The following KCNQ1 variants were observed in gnomAD, a reference collection of about 807,000 sequenced individuals.
KCNQ1 encodes the protein potassium voltage-gated channel subfamily Q member 1.
In KCNQ1, 49 loss-of-function variants were observed where a neutral mutation model predicts 72.4. The ratio of observed to expected loss-of-function variants is 0.68; its 90% confidence interval spans 0.54 to 0.86. The LOEUF is 0.86. Ranked by LOEUF, KCNQ1 falls within the 40% of genes least tolerant of loss-of-function variation. KCNQ1 has a pLI of 0.00. For synonymous variants in KCNQ1, 450 were observed against 412.6 expected (o/e 1.09, Z -1.10); for missense variants, 790 against 945.1 (o/e 0.84, Z 2.15).
intron 11 of KCNQ1, chr11:2,662,317 A>G: frequency 1.7e-6 from 1 of 587,066 alleles, no homozygotes; most frequent in Non-Finnish European, 3.0e-6. Flanking sequence ...GGAAAACCAG[A>G]CTGATCATTT....
chr11:2,673,974 G>A lies in KCNQ1; in HGVS notation c.1514+11893G>A. 6.8e-6 allele frequency: 1 copy of A among 146,950 alleles called. No individual in the cohort carries two copies. The highest frequency in any genetic ancestry group is 2.0e-4 in the East Asian group (1 of 4,922). 9.1% of individuals were successfully genotyped at this position (146,950 alleles called of 1,614,324 possible). Reference sequence around the variant, plus strand: ...GACAGCAGCCACAAGGGGATGCCCAGCATTGGGGGTGGGGTGGGGGGAGGG... The same window carrying A: ...GACAGCAGCCACAAGGGGATGCCCAACATTGGGGGTGGGGTGGGGGGAGGG... On this transcript the variant is annotated intron_variant, in intron 11 of 15. Coordinates refer to ENST00000155840, the MANE Select transcript of KCNQ1 (RefSeq NM_000218.3). The surrounding 1 kb of genome is among the most constrained non-coding windows in gnomAD (Gnocchi z 4.5).
chr11:2,645,126 A>G lies in KCNQ1; in HGVS notation c.1394-16835A>G. On this transcript the variant is annotated intron_variant, in intron 10 of 15. Coordinates refer to ENST00000155840, the MANE Select transcript of KCNQ1 (RefSeq NM_000218.3). This position sits in a 1 kb window ranked among gnomAD's most constrained non-coding sequence, Gnocchi z 5.8. ...CAGCAGATATGGCTTGGGCAATGGC[A>G]GTAGCAGTGGCAGAACAATCTTCTG... is the stretch of plus-strand genomic sequence containing the variant. 1 of 398,670 alleles carries G rather than the reference A, an allele frequency of 2.5e-6. No homozygotes were observed. The highest frequency in any genetic ancestry group is 4.4e-6 in the Non-Finnish European group (1 of 226,112). 24.7% of individuals were successfully genotyped at this position (398,670 alleles called of 1,614,324 possible).
intron 11 of KCNQ1, among the ~76,000 whole-genome samples, chr11:2,737,383 G>T (rs1478130940): frequency 6.6e-6 from 1 of 152,182 alleles, no homozygotes; most frequent in Non-Finnish European, 1.5e-5. Context: ...CCTCAAGTGG[G>T]TGCAGCAGGC....
At chr11:2,619,712 A>ATT (rs35618307) in intron 10 of KCNQ1, 6,038 of 367,928 alleles carry the variant, frequency 0.016, 225 homozygotes, top group African/African-American at 0.11. Flanking sequence ...CTTTAGCTGC[A>ATT]TTTTTTTTTT....
At chr11:2,692,949 C>A (rs909663809) in intron 11 of KCNQ1, 1 of 398,570 alleles carries the variant, frequency 2.5e-6, no homozygotes, top group African/African-American at 2.1e-5. Context: ...CCTGCCCATA[C>A]GCTCAATAAT....
intron 6 of KCNQ1, among the ~76,000 whole-genome samples, chr11:2,577,496 G>A (rs1054693155): frequency 2.6e-5 from 4 of 152,336 alleles, no homozygotes; most frequent in East Asian, 1.9e-4. Flanking sequence ...GGGTGTTGAC[G>A]GTTTCACCAC....
chr11:2,525,905 C>T (rs1291323628), intron 1 of KCNQ1, among the ~76,000 whole-genome samples: 1 of 152,220 alleles, frequency 6.6e-6, no homozygotes, highest in Admixed American at 6.5e-5. Context: ...CAGCCCCACT[C>T]TTGGGGTGCT....
intron 11 of KCNQ1, among the ~76,000 whole-genome samples, chr11:2,737,173 T>TG (rs1845972240): frequency 1.3e-5 from 2 of 152,130 alleles, no homozygotes; most frequent in South Asian, 4.1e-4. Flanking sequence ...AGGGAAATTC[T>TG]GGGGGGAGTG....
chr11:2,796,896 G>A (rs1188297135), intron 15 of KCNQ1, among the ~76,000 whole-genome samples: 1 of 152,220 alleles, frequency 6.6e-6, no homozygotes, highest in South Asian at 2.1e-4. Context: ...GCCAATAAAG[G>A]CCGCCTTTAT....
chr11:2,692,027 A>G, intron 11 of KCNQ1: 1 of 398,632 alleles, frequency 2.5e-6, no homozygotes, highest in Non-Finnish European at 4.4e-6. Context: ...ACCACCTGTG[A>G]GGCCCTGACC....
In KCNQ1 at chr11:2,734,231, T is replaced by A. The variant is rs888578849; in HGVS notation, c.1515-34613T>A. Among the ~76,000 whole-genome samples, 1 of 152,062 alleles carries A rather than the reference T, an allele frequency of 6.6e-6. No individual in the cohort carries two copies. The highest frequency in any genetic ancestry group is 1.5e-5 in the Non-Finnish European group (1 of 67,988). On this transcript the variant is annotated intron_variant, in intron 11 of 15. Transcript: ENST00000155840. The surrounding 1 kb of genome is among the most constrained non-coding windows in gnomAD (Gnocchi z 7.0). The stretch of plus-strand genomic sequence containing the variant: ...ATCCAAAGCACAGGCCAGAGGCAGA[T>A]TGGGAGGGTCAGGTCCTAAGAGGCC...
In KCNQ1 at chr11:2,484,361, C is replaced by T. The variant is rs1467137859; in HGVS notation, c.386+38877C>T. On this transcript the variant is annotated intron_variant, in intron 1 of 15. Coordinates refer to ENST00000155840, the MANE Select transcript of KCNQ1 (RefSeq NM_000218.3). This position sits in a 1 kb window ranked among gnomAD's most constrained non-coding sequence, Gnocchi z 5.2. ...TGTATTTTTAGTGGAGACGGGGTTTCATCATGTTGGCCAGGCTGGTCTTGA... is the reference window on the plus strand; with the variant it reads ...TGTATTTTTAGTGGAGACGGGGTTTTATCATGTTGGCCAGGCTGGTCTTGA... Among the ~76,000 whole-genome samples the T allele has an allele frequency of 6.6e-6, 1 of 152,134 alleles. No individual in the cohort carries two copies. The highest frequency in any genetic ancestry group is 2.4e-5 in the African/African-American group (1 of 41,416).
chr11:2,745,284 G>GTC lies in KCNQ1; in HGVS notation c.1515-23554_1515-23553dup, dbSNP rs1161641934. Reference sequence around the variant, plus strand: ...GCGTTTTCTCCTCCAAGAACAAGGAGTCTCTCTGCATTGAGTCAGGCCCTC... The same window carrying GTC: ...GCGTTTTCTCCTCCAAGAACAAGGAGTCTCTCTCTGCATTGAGTCAGGCCCTC... On this transcript the variant is annotated intron_variant, in intron 11 of 15. Coordinates refer to ENST00000155840, the MANE Select transcript of KCNQ1 (RefSeq NM_000218.3). The surrounding 1 kb of genome is among the most constrained non-coding windows in gnomAD (Gnocchi z 6.2). 1.3e-5 allele frequency among the ~76,000 whole-genome samples: 2 copies of GTC among 152,174 alleles called. No individual in the cohort carries two copies. Among genetic ancestry groups the GTC allele is most frequent in the Non-Finnish European group, 2.9e-5 (2 of 68,036 alleles).
intron 11 of KCNQ1, among the ~76,000 whole-genome samples, chr11:2,741,185 G>C (rs943509714): frequency 8.5e-5 from 13 of 152,158 alleles, no homozygotes; most frequent in Middle Eastern, 6.8e-3. Flanking sequence ...AGTGTCTCAG[G>C]GTGGCCTCAG....
At chr11:2,539,757 C>T (rs761599165) in intron 2 of KCNQ1, among the ~76,000 whole-genome samples, 2 of 152,210 alleles carry the variant, frequency 1.3e-5, no homozygotes, top group African/African-American at 2.4e-5. Context: ...CTTCTCCATT[C>T]GGGTTTAGTG....
rs919078371 is a variant in KCNQ1, at chr11:2,748,745, C to T, written c.1515-20099C>T. ...CTCTGGGCCTCAAGACCATCTGTCA[C>T]GTGACAGGGGCAGGCTAGGCCTTTC... On this transcript the variant is annotated intron_variant, in intron 11 of 15. Transcript: ENST00000155840. This position sits in a 1 kb window ranked among gnomAD's most constrained non-coding sequence, Gnocchi z 6.2. Among the ~76,000 whole-genome samples, 6 of 152,230 alleles carry T rather than the reference C, an allele frequency of 3.9e-5. No homozygotes were observed. Among genetic ancestry groups the T allele is most frequent in the Non-Finnish European group, 8.8e-5 (6 of 68,044 alleles).
At chr11:2,829,471 G>A (rs1847899871) in intron 15 of KCNQ1, among the ~76,000 whole-genome samples, 1 of 152,184 alleles carries the variant, frequency 6.6e-6, no homozygotes, top group Non-Finnish European at 1.5e-5. Flanking sequence ...ACAAGAAGAT[G>A]TAATCATAAC....
chr11:2,558,183 C>G (rs992518221), intron 2 of KCNQ1, among the ~76,000 whole-genome samples: 1 of 152,236 alleles, frequency 6.6e-6, no homozygotes, highest in African/African-American at 2.4e-5. Flanking sequence ...CCAGCTGCCC[C>G]CCAGCACCAA....
intron 11 of KCNQ1, among the ~76,000 whole-genome samples, chr11:2,722,720 G>A (rs1013629077): frequency 8.6e-5 from 13 of 152,024 alleles, no homozygotes; most frequent in Non-Finnish European, 1.5e-4. Context: ...ATAGGCTATG[G>A]CAGCCTCTTG....
Sources: gnomAD v4.1 joint callset for allele counts (sites outside exome capture counted in the v4.1 genomes callset) on GRCh38, gnomAD v4.1.1 for gene constraint, Gnocchi (gnomAD v3.1) non-coding constraint, MANE v1.5 for transcripts, NCBI Gene and HGNC (gene_info 2026-07-23, HGNC 2026-07-21) for gene names.